PUM3: variants seen among roughly 807,000 people sequenced by gnomAD.
PUM3 encodes pumilio RNA binding family member 3, also known as pumilio homolog 3.
PUM3 carries 91 observed loss-of-function variants against 84.0 expected under a neutral mutation model. The observed-to-expected ratio is 1.08, with a 90% CI of 0.91 to 1.29. The LOEUF (loss-of-function observed/expected upper bound fraction) is 1.29. Among genes scored for constraint, PUM3 ranks in the 50% most tolerant of loss-of-function variants. PUM3 has a pLI of 0.00. For missense variants in PUM3, 1,067 were observed against 767.5 expected, an observed-to-expected ratio of 1.39 and a Z score of -4.61; for synonymous variants, 321 against 266.7, an observed-to-expected ratio of 1.20 and a Z score of -1.98.
chr9:2,826,594 C>T lies in PUM3; in HGVS notation c.1035+479G>A, dbSNP rs374359924. Among the ~76,000 whole-genome samples the T allele has an allele frequency of 1.8e-4, 28 of 152,264 alleles. 1 individual carries two copies. Among genetic ancestry groups the T allele is most frequent in the African/African-American group, 6.5e-4 (27 of 41,556 alleles). ...TAAATGATGAATTCTCATTTGTATT[C>T]CCATGACTGACTTGAAGGGCAGTGC... On this transcript the variant is annotated intron_variant, in intron 10 of 17. Coordinates refer to ENST00000397885, the MANE Select transcript of PUM3 (RefSeq NM_014878.5).
At chr9:2,819,302 T>A (rs1821535342) in intron 13 of PUM3, among the ~76,000 whole-genome samples, 1 of 152,232 alleles carries the variant, frequency 6.6e-6, no homozygotes, top group Admixed American at 6.5e-5. Context: ...ATTTTTACTT[T>A]GGAGTACTTC....
intron 5 of PUM3, among the ~76,000 whole-genome samples, chr9:2,832,293 G>A (rs1300492574): frequency 6.6e-6 from 1 of 152,166 alleles, no homozygotes; most frequent in Non-Finnish European, 1.5e-5. Flanking sequence ...ATAAGAATGA[G>A]CTGTTACTAT....
intron 17 of PUM3, 45 bp downstream of exon 17, chr9:2,807,769 T>A (rs745752397): frequency 1.6e-6 from 2 of 1,251,396 alleles, no homozygotes; most frequent in Non-Finnish European, 2.3e-6. Flanking sequence ...GTGTGTCTTT[T>A]GCATGACCAG....
At chr9:2,836,622 T>C (rs1366448684) in intron 3 of PUM3, among the ~76,000 whole-genome samples, 3 of 152,206 alleles carry the variant, frequency 2.0e-5, no homozygotes, top group African/African-American at 7.2e-5. Context: ...ACTATGGATC[T>C]GCGCCATCAG....
At chr9:2,810,904 C>G (rs1821354205) in intron 15 of PUM3, among the ~76,000 whole-genome samples, 1 of 152,228 alleles carries the variant, frequency 6.6e-6, no homozygotes, top group Non-Finnish European at 1.5e-5. Flanking sequence ...CTCAACCTTA[C>G]TCCTCTTCAA....
chr9:2,841,064 C>T (rs1816253228), intron 1 of PUM3, among the ~76,000 whole-genome samples: 1 of 152,098 alleles, frequency 6.6e-6, no homozygotes, highest in Non-Finnish European at 1.5e-5. Context: ...AATCAAGCAC[C>T]ACATATTTTC....
intron 2 of PUM3, 48 bp from the exon 3 acceptor site, chr9:2,837,449 CT>C: frequency 2.4e-6 from 3 of 1,258,318 alleles, no homozygotes; most frequent in Non-Finnish European, 3.4e-6. Flanking sequence ...GCCCAAATCT[CT>C]TTTATCTATT....
chr9:2,814,660 TGAAA>T (rs1250732909), intron 13 of PUM3, among the ~76,000 whole-genome samples: 1 of 152,154 alleles, frequency 6.6e-6, no homozygotes, highest in Non-Finnish European at 1.5e-5. Flanking sequence ...GTTAATTTGT[TGAAA>T]GAAAGAGGTG....
intron 1 of PUM3, among the ~76,000 whole-genome samples, chr9:2,838,990 T>G (rs1816202351): frequency 6.6e-6 from 1 of 152,208 alleles, no homozygotes; most frequent in African/African-American, 2.4e-5. Context: ...TAAAGGATTA[T>G]CTGAAAGATT....
chr9:2,843,977 C>T (rs1326873611), intron 1 of PUM3, 68 bp downstream of exon 1: 2 of 153,844 alleles, frequency 1.3e-5, no homozygotes, highest in African/African-American at 4.8e-5. Flanking sequence ...GAGAGACCTT[C>T]CCGACTTCCA....
intron 13 of PUM3, among the ~76,000 whole-genome samples, chr9:2,812,571 TTAAAA>T (rs1821396015): frequency 2.0e-5 from 3 of 152,204 alleles, no homozygotes; most frequent in Non-Finnish European, 2.9e-5. Context: ...ATCTACATTC[TTAAAA>T]TAAAGTATGC....
Position 2,827,090 on chromosome 9 carries a change from G to A in PUM3, c.1018C>T (p.Pro340Ser). ...GAACTTACTGATCTGAGTTTGGGGG[G>A]TGCATAGGTAAAAAAGTCCAAGAAT... ...KVFLDFFTYA[P>S]PKLRSEMIEA... Residue 340 changes from proline (P) to serine (S), a missense_variant, in exon 10 of 18, where the codon CCC becomes TCC. Coordinates refer to ENST00000397885, the MANE Select transcript of PUM3 (RefSeq NM_014878.5). 6.2e-7 allele frequency: 1 copy of A among 1,609,070 alleles called. No individual in the cohort carries two copies. Among genetic ancestry groups the A allele is most frequent in the Non-Finnish European group, 8.5e-7 (1 of 1,178,088 alleles).
chr9:2,824,524 G>A (rs1815753190), intron 11 of PUM3, among the ~76,000 whole-genome samples, 193 bp downstream of exon 11: 1 of 152,184 alleles, frequency 6.6e-6, no homozygotes, highest in South Asian at 2.1e-4. Context: ...CTAAAGCAGA[G>A]GAAAGAAGAA....
chr9:2,810,264 G>A, intron 16 of PUM3, 80 bp downstream of exon 16: 1 of 885,756 alleles, frequency 1.1e-6, no homozygotes. Context: ...AGCTTAAATG[G>A]CTGGTATAAA....
intron 17 of PUM3, among the ~76,000 whole-genome samples, chr9:2,804,918 C>G (rs73394615): frequency 6.6e-6 from 1 of 152,272 alleles, no homozygotes; most frequent in African/African-American, 2.4e-5. Flanking sequence ...AAGGTGTGAA[C>G]AGAGGCACAG....
intron 1 of PUM3, among the ~76,000 whole-genome samples, chr9:2,843,691 G>A (rs1030284508): frequency 4.0e-5 from 6 of 148,348 alleles, no homozygotes; most frequent in Non-Finnish European, 8.9e-5. Flanking sequence ...CCATTCTCCT[G>A]CCTCAGCCTC....
chr9:2,819,835 G>T (rs971455615), intron 13 of PUM3, among the ~76,000 whole-genome samples, 183 bp downstream of exon 13: 1 of 152,020 alleles, frequency 6.6e-6, no homozygotes, highest in African/African-American at 2.4e-5. Context: ...AAGTTACAAG[G>T]TTAAGATTTA....
intron 12 of PUM3, among the ~76,000 whole-genome samples, chr9:2,820,728 CTGAA>C (rs535863000): frequency 8.4e-4 from 128 of 152,108 alleles, no homozygotes; most frequent in African/African-American, 2.9e-3. Context: ...TAATTATACA[CTGAA>C]TGAGAATGAT....
chr9:2,822,421 T>C (rs961277944), intron 12 of PUM3, among the ~76,000 whole-genome samples: 1 of 151,950 alleles, frequency 6.6e-6, no homozygotes, highest in Non-Finnish European at 1.5e-5. Flanking sequence ...AAATTAATAA[T>C]TCCAAATAAT....
Sources: gnomAD v4.1 joint callset for allele counts (sites outside exome capture counted in the v4.1 genomes callset) on GRCh38, gnomAD v4.1.1 for gene constraint, MANE v1.5 for transcripts, NCBI Gene and HGNC (gene_info 2026-07-23, HGNC 2026-07-21) for gene names.